RBPJ: variants seen among roughly 807,000 people sequenced by gnomAD.
RBPJ encodes recombination signal binding protein for immunoglobulin kappa J region, also known as recombining binding protein suppressor of hairless.
A neutral mutation model predicts 67.8 loss-of-function variants in RBPJ; 9 were observed. That is an observed-to-expected ratio of 0.13 (90% confidence interval 0.08 to 0.23). The LOEUF is 0.23. Among genes scored for constraint, RBPJ ranks in the 10% least tolerant of loss-of-function variants. RBPJ has a pLI of 1.00. For synonymous variants in RBPJ, 198 were observed against 203.3 expected (o/e 0.97, Z 0.22); for missense variants, 305 against 595.6 (o/e 0.51, Z 5.08).
chr4:26,426,081 T>G (rs183149609), intron 7 of RBPJ, among the ~76,000 whole-genome samples: 11 of 152,218 alleles, frequency 7.2e-5, no homozygotes, highest in Non-Finnish European at 1.0e-4. Context: ...TGAGACAAAT[T>G]ATAATAAAAA....
At chr4:26,381,257 A>C (rs1730298439) in intron 1 of RBPJ, among the ~76,000 whole-genome samples, 1 of 151,966 alleles carries the variant, frequency 6.6e-6, no homozygotes, top group Non-Finnish European at 1.5e-5. Flanking sequence ...TATAGAAGCA[A>C]ATTATGTGGT....
chr4:26,227,974 G>A (rs865874693), intron 1 of RBPJ, among the ~76,000 whole-genome samples: 2 of 152,158 alleles, frequency 1.3e-5, no homozygotes, highest in African/African-American at 2.4e-5. Flanking sequence ...CTGTGCCAGC[G>A]TCACCGTGAT....
Position 26,415,486 on chromosome 4 carries a change from C to A in RBPJ, c.167C>A (p.Pro56Gln). ...CTATTATTCTTCAGGTTTTTTTGCC[C>A]ACCTCCTTGTGTATATCTTATGGGC... Reference protein sequence around the residue: ...SYGNEKRFFCPPPCVYLMGSG... With the variant: ...SYGNEKRFFCQPPCVYLMGSG... Residue 56 changes from proline to glutamine, a missense_variant, in exon 4 of 11, where the codon CCA becomes CAA. This residue lies in a region of RBPJ where 79 missense variants were observed against 106.2 expected (regional missense o/e 0.74). Transcript: ENST00000355476. The A allele has an allele frequency of 6.4e-7, 1 of 1,571,842 alleles. No individual in the cohort carries two copies. Among genetic ancestry groups the A allele is most frequent in the Non-Finnish European group, 8.6e-7 (1 of 1,166,188 alleles).
At chr4:26,255,818 A>G (rs1720325052) in intron 1 of RBPJ, among the ~76,000 whole-genome samples, 1 of 150,536 alleles carries the variant, frequency 6.6e-6, no homozygotes. Flanking sequence ...AAAAAAAAAA[A>G]GAAAAGAAAA....
At chr4:26,373,915 C>CTTTTTTTTTTTTTTT (rs765161799) in intron 1 of RBPJ, among the ~76,000 whole-genome samples, 1 of 113,342 alleles carries the variant, frequency 8.8e-6, no homozygotes. Flanking sequence ...TTATTTTTTA[C>CTTTTTTTTTTTTTTT]TTTTTTTTTT....
intron 3 of RBPJ, among the ~76,000 whole-genome samples, chr4:26,407,240 A>G (rs1313271961): frequency 6.6e-6 from 1 of 152,160 alleles, no homozygotes. Flanking sequence ...TGATCCTAAA[A>G]CTGTCTTGAG....
intron 1 of RBPJ, among the ~76,000 whole-genome samples, chr4:26,214,906 AAG>A (rs1190912622): frequency 6.6e-5 from 7 of 105,964 alleles, no homozygotes; most frequent in African/African-American, 2.1e-4. Flanking sequence ...GAGAAAAAGA[AAG>A]AAAAAAGAGA....
At chr4:26,384,259 A>G (rs1038288575) in intron 1 of RBPJ, among the ~76,000 whole-genome samples, 1 of 152,214 alleles carries the variant, frequency 6.6e-6, no homozygotes, top group Non-Finnish European at 1.5e-5. Context: ...TGCTATTTCA[A>G]TTAAAGCCAT....
chr4:26,310,356 A>G (rs1413769755), intron 1 of RBPJ, among the ~76,000 whole-genome samples: 1 of 152,230 alleles, frequency 6.6e-6, no homozygotes, highest in African/African-American at 2.4e-5. Flanking sequence ...TAAGAGAACC[A>G]TAAAGATGAA....
At chr4:26,265,066 C>T (rs1210113522) in intron 1 of RBPJ, among the ~76,000 whole-genome samples, 3 of 152,084 alleles carry the variant, frequency 2.0e-5, no homozygotes, top group African/African-American at 7.2e-5. Flanking sequence ...AAATTATTTT[C>T]AGGTGAATTG....
intron 1 of RBPJ, among the ~76,000 whole-genome samples, chr4:26,265,981 C>T (rs1360148502): frequency 1.3e-5 from 2 of 151,864 alleles, no homozygotes; most frequent in African/African-American, 4.8e-5. Flanking sequence ...GGTTGCTTCA[C>T]GATCGCACTA....
intron 3 of RBPJ, among the ~76,000 whole-genome samples, chr4:26,409,125 CAA>C (rs1733767020): frequency 6.6e-6 from 1 of 152,170 alleles, no homozygotes; most frequent in Non-Finnish European, 1.5e-5. Context: ...AGGTTTTATG[CAA>C]AAGGACCTTT....
At chr4:26,237,041 A>T (rs1712555681) in intron 1 of RBPJ, among the ~76,000 whole-genome samples, 1 of 152,194 alleles carries the variant, frequency 6.6e-6, no homozygotes, top group Admixed American at 6.5e-5. Context: ...CAGCAGCAAC[A>T]ACAAACACCA....
At chr4:26,414,213 A>G (rs2109779441) in intron 3 of RBPJ, among the ~76,000 whole-genome samples, 1 of 152,106 alleles carries the variant, frequency 6.6e-6, no homozygotes, top group East Asian at 1.9e-4. Flanking sequence ...ACTCTAACCC[A>G]AGCTGGAATG....
chr4:26,109,491 T>TATATATATATATAC, the RBPJ span, among the ~76,000 whole-genome samples: 4 of 41,404 alleles, frequency 9.7e-5, no homozygotes, highest in South Asian at 7.5e-4. Context: ...TATATATATA[T>TATATATATATATAC]ACACACACAC....
chr4:26,147,481 C>T, the RBPJ span, among the ~76,000 whole-genome samples: 4 of 152,226 alleles, frequency 2.6e-5, no homozygotes, highest in East Asian at 7.7e-4. Flanking sequence ...CAACTTCTCC[C>T]AGGTATACCA....
At chr4:26,215,130 CAAGG>C (rs1718642337) in intron 1 of RBPJ, among the ~76,000 whole-genome samples, 2 of 90,032 alleles carry the variant, frequency 2.2e-5, no homozygotes, top group Non-Finnish European at 4.1e-5. Context: ...GAAAGAGAAA[CAAGG>C]AAGGAAGGAT....
At chr4:26,184,181 CAAAA>C (rs150415692) in intron 1 of RBPJ, among the ~76,000 whole-genome samples, 1 of 89,854 alleles carries the variant, frequency 1.1e-5, no homozygotes. Flanking sequence ...GACTTCATCT[CAAAA>C]AAAAAAAAAA....
chr4:26,396,538 A>G (rs559381301), intron 2 of RBPJ, among the ~76,000 whole-genome samples: 7 of 152,364 alleles, frequency 4.6e-5, no homozygotes, highest in South Asian at 4.1e-4. Flanking sequence ...TCTCTACATA[A>G]GAGGTAAAGC....
Sources: gnomAD v4.1 joint callset for allele counts (sites outside exome capture counted in the v4.1 genomes callset) on GRCh38, gnomAD v4.1.1 for gene constraint, gnomAD v4.1.1 regional missense constraint, MANE v1.5 for transcripts, NCBI Gene and HGNC (gene_info 2026-07-23, HGNC 2026-07-21) for gene names.